Variants in CHRNA7 observed in about 807,000 individuals in gnomAD.
CHRNA7 encodes neuronal acetylcholine receptor subunit alpha-7.
CHRNA7 carries 17 observed loss-of-function variants against 48.0 expected under a neutral mutation model. The observed-to-expected ratio is 0.35, with a 90% confidence interval of 0.24 to 0.53. The LOEUF (loss-of-function observed/expected upper bound fraction) is 0.53, where lower values mean the gene tolerates loss of function less well. CHRNA7 is among the 20% of genes least tolerant of loss of function. The pLI, the probability that CHRNA7 is intolerant of heterozygous loss-of-function variation, is 0.92. For synonymous variants in CHRNA7, 75 were observed against 242.3 expected (o/e 0.31, Z 6.41); for missense variants, 155 against 577.7 (o/e 0.27, Z 7.50).
intron 4 of CHRNA7, among the ~76,000 whole-genome samples, chr15:32,120,193 G>A (rs1392494660): frequency 1.3e-5 from 2 of 152,176 alleles, no homozygotes; most frequent in Non-Finnish European, 2.9e-5. Context: ...ACTCAGCTGG[G>A]TCTGCCTGAC....
chr15:32,032,876 C>G (rs1055772060), intron 2 of CHRNA7, among the ~76,000 whole-genome samples: 1 of 152,160 alleles, frequency 6.6e-6, no homozygotes, highest in Non-Finnish European at 1.5e-5. Flanking sequence ...CTGGGAACTT[C>G]TTCTTTAAGA....
At chr15:32,137,345 C>A (rs1304605540) in intron 4 of CHRNA7, among the ~76,000 whole-genome samples, 2 of 147,510 alleles carry the variant, frequency 1.4e-5, no homozygotes, top group East Asian at 2.0e-4. Context: ...ACCCCCCCCC[C>A]ACACAAACAC....
intron 4 of CHRNA7, among the ~76,000 whole-genome samples, chr15:32,127,516 A>G (rs1018588464): frequency 1.3e-5 from 2 of 152,044 alleles, no homozygotes. Flanking sequence ...GTGATAACCC[A>G]TTGTGTTTTT....
At chr15:32,135,139 T>C (rs1481208007) in intron 4 of CHRNA7, among the ~76,000 whole-genome samples, 1 of 152,236 alleles carries the variant, frequency 6.6e-6, no homozygotes, top group Non-Finnish European at 1.5e-5. Flanking sequence ...GGAGAGGCTG[T>C]GCCTGACAAG....
chr15:32,081,244 G>T (rs577514207), intron 2 of CHRNA7, among the ~76,000 whole-genome samples: 1 of 152,156 alleles, frequency 6.6e-6, no homozygotes, highest in East Asian at 1.9e-4. Flanking sequence ...CATGGCACAT[G>T]TTTACCTGTG....
rs1491226007 is a variant in CHRNA7, at chr15:32,114,079, C to CATATATATATATAT, written c.350+2183_350+2184insTATATATATATATA. ...ATATATACATATATATATATATACA[C>CATATATATATATAT]ATACATACATACACACACACATATA... On this transcript the variant is annotated intron_variant, in intron 4 of 9. Coordinates refer to ENST00000306901, the MANE Select transcript of CHRNA7 (RefSeq NM_000746.6). Among the ~76,000 whole-genome samples the CATATATATATATAT allele has an allele frequency of 7.2e-3, 813 of 112,522 alleles. 7 individuals carry two copies. Among genetic ancestry groups the CATATATATATATAT allele is most frequent in the African/African-American group, 0.025 (772 of 31,166 alleles). 73.8% of individuals were successfully genotyped at this position (112,522 alleles called of 152,430 possible). A position where few individuals can be genotyped will look rare whatever the true frequency, so the allele number is the denominator to read the frequency against.
rs1223084269 is a variant in CHRNA7 at position 32,163,233 on chromosome 15, C to T, written c.888C>T (p.Tyr296=). The change falls in exon 9 of 10, where the codon TAC becomes TAT. Residue 296 remains tyrosine (Y), a synonymous_variant. Transcript: ENST00000306901. ...TSDSVPLIAQ[Y]FASTMIIVGL... ...CATCTGTTCTCTCCACAGCCCAGTACTTCGCCAGCACCATGATCATCGTGG... is the reference window on the plus strand; with the variant it reads ...CATCTGTTCTCTCCACAGCCCAGTATTTCGCCAGCACCATGATCATCGTGG... The T allele has an allele frequency of 3.9e-6, 3 of 772,860 alleles. 1 individual carries two copies. The highest frequency in any genetic ancestry group is 5.4e-6 in the Non-Finnish European group (3 of 552,214). 47.9% of individuals were successfully genotyped at this position (772,860 alleles called of 1,614,324 possible).
chr15:32,053,904 G>T (rs1268286264), intron 2 of CHRNA7, among the ~76,000 whole-genome samples: 3 of 152,194 alleles, frequency 2.0e-5, no homozygotes, highest in Non-Finnish European at 2.9e-5. Flanking sequence ...GGTGGCAGTG[G>T]ACGAGGAGTA....
intron 4 of CHRNA7, among the ~76,000 whole-genome samples, chr15:32,146,779 CTA>C (rs900149671): frequency 6.6e-6 from 1 of 152,158 alleles, no homozygotes; most frequent in Non-Finnish European, 1.5e-5. Context: ...GTGATTCCAA[CTA>C]AATTTAATGT....
At chr15:32,110,338 G>A (rs1263168138) in intron 3 of CHRNA7, among the ~76,000 whole-genome samples, 9 of 152,170 alleles carry the variant, frequency 5.9e-5, no homozygotes, top group Non-Finnish European at 1.3e-4. Context: ...TCCTGGGTGT[G>A]CCCCTCCTGT....
At chr15:32,097,857 C>T (rs1047662473) in intron 2 of CHRNA7, among the ~76,000 whole-genome samples, 9 of 152,220 alleles carry the variant, frequency 5.9e-5, no homozygotes, top group African/African-American at 2.2e-4. Flanking sequence ...CCTGCTGATT[C>T]ATGGTTTCAG....
intron 2 of CHRNA7, among the ~76,000 whole-genome samples, chr15:32,046,356 G>C (rs9744301): frequency 0.23 from 29,621 of 131,432 alleles, 4,782 homozygotes; most frequent in East Asian, 0.53. Context: ...TTAATGATTG[G>C]CATTCTAACT....
At chr15:32,032,845 G>A (rs1431957240) in intron 2 of CHRNA7, among the ~76,000 whole-genome samples, 1 of 152,204 alleles carries the variant, frequency 6.6e-6, no homozygotes, top group Non-Finnish European at 1.5e-5. Flanking sequence ...GACCACTCGC[G>A]GAGAAGCTGC....
intron 4 of CHRNA7, chr15:32,112,147 G>A (rs1371378828): frequency 1.1e-5 from 7 of 615,126 alleles, no homozygotes; most frequent in South Asian, 9.8e-5. Flanking sequence ...CCATGAAGTT[G>A]TATGTTCTCG....
chr15:32,135,465 C>T (rs2141325135), intron 4 of CHRNA7, among the ~76,000 whole-genome samples: 1 of 152,256 alleles, frequency 6.6e-6, no homozygotes, highest in East Asian at 1.9e-4. Context: ...GGCAGGAAGT[C>T]AAGGCACTAC....
At chr15:32,140,776 T>C (rs1281467013) in intron 4 of CHRNA7, among the ~76,000 whole-genome samples, 2 of 152,154 alleles carry the variant, frequency 1.3e-5, no homozygotes, top group South Asian at 4.1e-4. Flanking sequence ...GGGGTTGTTT[T>C]TTTCTTGTAA....
At position 32,054,540 on chromosome 15, in the gene CHRNA7, G is replaced by A. The variant is rs181848809; in HGVS notation, c.195+23503G>A. ...AGTGGGTTACCACAAAGTGAACCCC[G>A]TTAAGCTGTCACCACCCAATACAGA... On this transcript the variant is annotated intron_variant, in intron 2 of 9. Coordinates refer to ENST00000306901, the MANE Select transcript of CHRNA7 (RefSeq NM_000746.6). Among the ~76,000 whole-genome samples, 368 of 152,238 alleles carry A rather than the reference G, an allele frequency of 2.4e-3. 1 individual carries two copies. The highest frequency in any genetic ancestry group is 6.8e-3 in the Middle Eastern group (2 of 294).
intron 2 of CHRNA7, among the ~76,000 whole-genome samples, chr15:32,051,886 A>G (rs2049689563): frequency 1.3e-5 from 2 of 152,108 alleles, no homozygotes; most frequent in South Asian, 4.1e-4. Context: ...GACGTTCCCC[A>G]GGCTGGTCTT....
At chr15:32,064,083 T>C (rs2049923419) in intron 2 of CHRNA7, among the ~76,000 whole-genome samples, 1 of 152,228 alleles carries the variant, frequency 6.6e-6, no homozygotes, top group Non-Finnish European at 1.5e-5. Context: ...TTGTTTCTTT[T>C]CTTATTCCAA....
Sources: allele counts gnomAD v4.1 joint callset (sites outside exome capture counted in the v4.1 genomes callset), GRCh38; gene constraint gnomAD v4.1.1; transcripts MANE v1.5; gene names NCBI Gene and HGNC (gene_info 2026-07-23, HGNC 2026-07-21).